ZNF701: variants seen among roughly 807,000 people sequenced by gnomAD.
ZNF701 encodes the protein zinc finger protein 701.
A neutral mutation model predicts 7.1 loss-of-function variants in ZNF701; 6 were observed. The ratio of observed to expected loss-of-function variants is 0.84; its 90% confidence interval spans 0.46 to 1.66. The LOEUF (loss-of-function observed/expected upper bound fraction) is 1.66, where lower values mean the gene tolerates loss of function less well. Among genes scored for constraint, ZNF701 ranks in the 40% most tolerant of loss-of-function variants. The pLI is 0.01. For missense variants in ZNF701, 541 were observed against 559.2 expected, an observed-to-expected ratio of 0.97 and a Z score of 0.33; for synonymous variants, 166 against 188.2, an observed-to-expected ratio of 0.88 and a Z score of 0.97.
chr19:52,593,439 C>T, the ZNF701 span, among the ~76,000 whole-genome samples: 2 of 107,222 alleles, frequency 1.9e-5, no homozygotes, highest in African/African-American at 7.4e-5. Context: ...CCGGAGGGAG[C>T]GGCTGGCCGG....
At chr19:52,596,941 A>G in the ZNF701 span, 18 of 601,076 alleles carry the variant, frequency 3.0e-5, no homozygotes, top group South Asian at 2.3e-4. Flanking sequence ...GAGTGGGGCA[A>G]AGCCTTAAGT....
At position 52,586,449 on chromosome 19, in the gene ZNF701, T is replaced by TA. The variant is rs1412295253; in HGVS notation, c.*2992_*2993insA. The TA allele has an allele frequency of 6.6e-6, 1 of 151,992 alleles. No individual in the cohort carries two copies. The highest frequency in any genetic ancestry group is 1.5e-5 in the Non-Finnish European group (1 of 68,006). The allele number at this position is 151,992 out of a possible 1,614,324, so 9.4% of individuals were successfully genotyped here. On this transcript the variant is annotated 3_prime_UTR_variant, in exon 4 of 4. Transcript: ENST00000391785. ...GATTCTCCTCTATCCAGGAGACGGG[T>TA]TTCACCATTTTGCCAGGTTTGTCTC...
chr19:52,571,668 A>G (rs1162483952), intron 1 of ZNF701, among the ~76,000 whole-genome samples: 1 of 151,996 alleles, frequency 6.6e-6, no homozygotes, highest in Non-Finnish European at 1.5e-5. Flanking sequence ...CCACCCAAGC[A>G]TTCTTGATTG....
downstream of ZNF701, chr19:52,588,584 G>A: frequency 2.5e-6 from 1 of 398,740 alleles, no homozygotes. Context: ...GAAGGGCAAA[G>A]AAAAGGAGCC....
rs1212249373 is a variant in ZNF701 at position 52,579,077 on chromosome 19, G to A, written c.142+3056G>A. Among the ~76,000 whole-genome samples the A allele has an allele frequency of 1.5e-5, 2 of 132,424 alleles. 1 individual carries two copies. Among genetic ancestry groups the A allele is most frequent in the African/African-American group, 7.6e-5 (2 of 26,322 alleles). 86.9% of individuals were successfully genotyped at this position (132,424 alleles called of 152,430 possible). On this transcript the variant is annotated intron_variant, in intron 3 of 3. Transcript: ENST00000391785. ...ATTTCTTTCAGTAAACAGAAATGAA[G>A]TGTGTTGTATAGATAAAATAAAAAG...
the ZNF701 span, among the ~76,000 whole-genome samples, chr19:52,598,388 G>T: frequency 6.6e-6 from 1 of 152,144 alleles, no homozygotes; most frequent in Non-Finnish European, 1.5e-5. Context: ...TCACGCATCC[G>T]GCAGGCGGGG....
At chr19:52,575,457 C>T (rs74792720) in intron 2 of ZNF701, among the ~76,000 whole-genome samples, 1 of 151,348 alleles carries the variant, frequency 6.6e-6, no homozygotes, top group Admixed American at 6.6e-5. Context: ...TTTTTTTTAA[C>T]ATATACAAAA....
chr19:52,573,995 G>A (rs562800411), intron 1 of ZNF701, 82 bp from the exon 2 acceptor site: 4 of 1,419,204 alleles, frequency 2.8e-6, no homozygotes, highest in Admixed American at 2.0e-5. Flanking sequence ...TTCAGAGTGA[G>A]GGCACCTTTG....
Position 52,582,875 on chromosome 19 carries a change from T to G in ZNF701, c.816T>G (p.Cys272Trp). 6.2e-7 allele frequency: 1 copy of G among 1,613,188 alleles called. No individual in the cohort carries two copies. The highest frequency in any genetic ancestry group is 2.2e-5 in the East Asian group (1 of 44,844). Residue 272 changes from cysteine to tryptophan, a missense_variant, in exon 4 of 4, where the codon TGT becomes TGG. Coordinates refer to ENST00000391785, the MANE Select transcript of ZNF701 (RefSeq NM_018260.3). Reference protein sequence around the residue: ...RCHTGENPYTCNECGKTFSHN... With the variant: ...RCHTGENPYTWNECGKTFSHN... ...ACACTGGTGAGAATCCTTACACGTG[T>G]AATGAGTGTGGCAAGACATTCAGTC...
At chr19:52,599,149 T>G in the ZNF701 span, among the ~76,000 whole-genome samples, 1 of 151,854 alleles carries the variant, frequency 6.6e-6, no homozygotes, top group Non-Finnish European at 1.5e-5. Flanking sequence ...TGCCTCAGCT[T>G]CCCGAGTAGC....
intron 1 of ZNF701, among the ~76,000 whole-genome samples, chr19:52,571,369 G>A (rs1002261750): frequency 1.3e-4 from 19 of 151,678 alleles, no homozygotes; most frequent in Admixed American, 3.3e-4. Flanking sequence ...GAGTGGGGAC[G>A]GGGGGTAAAA....
the ZNF701 span, among the ~76,000 whole-genome samples, chr19:52,599,597 C>G: frequency 1.3e-5 from 2 of 152,110 alleles, no homozygotes; most frequent in African/African-American, 4.8e-5. Flanking sequence ...TGCACTGGCC[C>G]AGAATAAAAA....
intron 3 of ZNF701, among the ~76,000 whole-genome samples, chr19:52,579,593 G>A (rs2059962172): frequency 7.1e-6 from 1 of 140,580 alleles, no homozygotes; most frequent in South Asian, 2.1e-4. Context: ...TCATAACCTG[G>A]CCAGGTGTAG....
chr19:52,575,032 C>G (rs577225741), intron 2 of ZNF701, among the ~76,000 whole-genome samples: 2 of 152,164 alleles, frequency 1.3e-5, no homozygotes, highest in Non-Finnish European at 2.9e-5. Context: ...TGCAGTGGCA[C>G]GATCTCCGCT....
At chr19:52,593,590 C>G in the ZNF701 span, among the ~76,000 whole-genome samples, 212 of 114,060 alleles carry the variant, frequency 1.9e-3, 66 homozygotes, top group African/African-American at 7.3e-3. Flanking sequence ...AGACGCTCCT[C>G]ACTTCCCAGA....
downstream of ZNF701, among the ~76,000 whole-genome samples, chr19:52,590,899 G>A (rs951635877): frequency 1.3e-5 from 2 of 152,154 alleles, no homozygotes; most frequent in Admixed American, 6.6e-5. Flanking sequence ...AAGTGCAGTG[G>A]CGCCATCTAG....
chr19:52,597,694 G>C, the ZNF701 span: 1 of 273,746 alleles, frequency 3.7e-6, no homozygotes, highest in Admixed American at 4.8e-5. Context: ...GCAGGGCCTT[G>C]AACAGAATCT....
In ZNF701 at chr19:52,582,781, A is replaced by G; in HGVS notation, c.722A>G (p.Lys241Arg). 1 of 1,614,188 alleles carries G rather than the reference A, an allele frequency of 6.2e-7. No homozygotes were observed. The highest frequency in any genetic ancestry group is 8.5e-7 in the Non-Finnish European group (1 of 1,180,034). The change falls in exon 4 of 4, where the codon AAA (lysine) becomes AGA (arginine). Residue 241 changes from lysine to arginine, a missense_variant. Transcript: ENST00000391785. ...KKHQIIHLGD[K>R]QYKCDVCGKD... is the part of the protein sequence containing the mutation. ...CATCAGATAATCCATTTAGGAGACA[A>G]ACAGTATAAATGTGATGTATGCGGC...
chr19:52,599,010 A>G, the ZNF701 span: 1 of 151,980 alleles, frequency 6.6e-6, no homozygotes, highest in African/African-American at 2.4e-5. Context: ...GAAAATTTGT[A>G]AATTCATTTT....
Sources: allele counts gnomAD v4.1 joint callset (sites outside exome capture counted in the v4.1 genomes callset), GRCh38; gene constraint gnomAD v4.1.1; transcripts MANE v1.5; gene names NCBI Gene and HGNC (gene_info 2026-07-23, HGNC 2026-07-21).